The following MICALL1 variants were observed in gnomAD, a reference collection of about 807,000 sequenced individuals.
MICALL1 encodes MICAL like 1, also known as MICAL-like protein 1.
MICALL1 carries 61 observed loss-of-function variants against 83.7 expected under a neutral mutation model. The ratio of observed to expected loss-of-function variants is 0.73; its 90% CI spans 0.59 to 0.90. The LOEUF is 0.90. MICALL1 is among the 40% of genes least tolerant of loss of function. The probability of loss-of-function intolerance (pLI) is 0.00; values close to 1 mark genes in which losing one functional copy is unlikely to be tolerated. For missense variants in MICALL1, 1,066 were observed against 1,152.0 expected (o/e 0.93, Z 1.08); for synonymous variants, 481 against 473.6 (o/e 1.02, Z -0.20).
Position 37,906,723 on chromosome 22 carries a change from C to T in MICALL1, c.146+155C>T, listed in dbSNP as rs548110357. 4.6e-5 allele frequency among the ~76,000 whole-genome samples: 7 copies of T among 151,680 alleles called. No homozygotes were observed. Among genetic ancestry groups the T allele is most frequent in the Non-Finnish European group, 8.9e-5 (6 of 67,756 alleles). On this transcript the variant is annotated intron_variant, in intron 1 of 15. Coordinates refer to ENST00000215957, the MANE Select transcript of MICALL1 (RefSeq NM_033386.4). This position sits in a 1 kb window ranked among gnomAD's most constrained non-coding sequence, Gnocchi z 4.4. ...CGACGGCCCCGGACGCCGGGCGGGT[C>T]CCTGAGACCCCGGCCCAGGGCGCCC...
In MICALL1 at chr22:37,918,941, C is replaced by T. The variant is rs1928844914; in HGVS notation, c.427-95C>T. The T allele has an allele frequency of 3.3e-5, 45 of 1,379,300 alleles. 1 individual carries two copies. In the South Asian group the frequency reaches 4.4e-4, roughly 14 times the overall value. The allele number at this position is 1,379,300 out of a possible 1,614,324, so 85.4% of individuals were successfully genotyped here. A position where few individuals can be genotyped will look rare whatever the true frequency, so the allele number is the denominator to read the frequency against. On this transcript the variant is annotated intron_variant, in intron 4 of 15. Coordinates refer to ENST00000215957, the MANE Select transcript of MICALL1 (RefSeq NM_033386.4). ...CGAAGCCTGGTGCACACTTGAGTGA[C>T]GGTGGCCGTTGGAGGGAGGGAGAGG...
At chr22:37,918,997 A>C in intron 4 of MICALL1, 39 bp from the exon 5 acceptor site, 3 of 1,517,548 alleles carry the variant, frequency 2.0e-6, no homozygotes, top group Non-Finnish European at 2.7e-6. Context: ...GCTGGTGACC[A>C]TGTCCTGCTC....
rs574935901 is a variant in MICALL1, at chr22:37,913,236, C to T, written c.337+744C>T. ...GCCTCAGCCTCCAAAAGTGCTGGGA[C>T]TACAGACGTGAGCCACTGGTGCCCG... On this transcript the variant is annotated intron_variant, in intron 3 of 15. Coordinates refer to ENST00000215957, the MANE Select transcript of MICALL1 (RefSeq NM_033386.4). Among the ~76,000 whole-genome samples the T allele has an allele frequency of 3.9e-5, 6 of 152,012 alleles. No individual in the cohort carries two copies. In the East Asian group the frequency reaches 1.2e-3, roughly 29 times the overall value.
chr22:37,915,315 C>T (rs1361388247), intron 3 of MICALL1, among the ~76,000 whole-genome samples: 1 of 152,112 alleles, frequency 6.6e-6, no homozygotes, highest in Non-Finnish European at 1.5e-5. Flanking sequence ...AAAATAATGT[C>T]TTATACCCCT....
chr22:37,912,833 T>G (rs1928421982), intron 3 of MICALL1, among the ~76,000 whole-genome samples: 1 of 151,910 alleles, frequency 6.6e-6, no homozygotes, highest in African/African-American at 2.4e-5. Context: ...GGCTAATTTT[T>G]TGTGTCTTTA....
At chr22:37,934,009 G>T (rs1232279623) in intron 13 of MICALL1, among the ~76,000 whole-genome samples, 1 of 152,226 alleles carries the variant, frequency 6.6e-6, no homozygotes, top group Non-Finnish European at 1.5e-5. Context: ...AATGTCCCAG[G>T]CTTCCACTGC....
chr22:37,921,930 C>G (rs1342182362), intron 5 of MICALL1, 42 bp from the exon 6 acceptor site: 6 of 1,510,916 alleles, frequency 4.0e-6, no homozygotes, highest in Non-Finnish European at 5.3e-6. Flanking sequence ...TGCCTGGGCC[C>G]AGCTGCCTGG....
In MICALL1 at chr22:37,927,451, G is replaced by C. The variant is rs201524607; in HGVS notation, c.1506G>C (p.Ser502=). 1.2e-6 allele frequency: 2 copies of C among 1,600,508 alleles called. No individual in the cohort carries two copies. The highest frequency in any genetic ancestry group is 1.7e-6 in the Non-Finnish European group (2 of 1,171,324). Reference sequence around the variant, plus strand: ...GCCTCTCGCACTCGGAGCCGCCCTCGGCCACACCATCGCCAGCGCTCAGCG... The same window carrying C: ...GCCTCTCGCACTCGGAGCCGCCCTCCGCCACACCATCGCCAGCGCTCAGCG... The part of the protein sequence containing the change: ...ASRLSHSEPP[S]ATPSPALSVE... Residue 502 remains serine (S), a synonymous_variant, in exon 9 of 16, where the codon TCG becomes TCC. Transcript: ENST00000215957.
chr22:37,937,170 A>C lies in MICALL1; in HGVS notation c.2399A>C (p.Asn800Thr). ...TLIEQRNAII[N>T]CLDEDRQREE... ...ATTGAGCAGCGCAACGCTATCATCAACTGCCTGGATGAGGACCGGCAGAGG... is the reference window on the plus strand; with the variant it reads ...ATTGAGCAGCGCAACGCTATCATCACCTGCCTGGATGAGGACCGGCAGAGG... The change falls in exon 14 of 16, where the codon AAC (asparagine) becomes ACC (threonine). Residue 800 changes from asparagine to threonine, a missense_variant. Asn to Thr is a moderately conservative substitution (Grantham distance 65, BLOSUM62 0). Coordinates refer to ENST00000215957, the MANE Select transcript of MICALL1 (RefSeq NM_033386.4). 1.3e-6 allele frequency: 2 copies of C among 1,546,428 alleles called. No individual in the cohort carries two copies. Among genetic ancestry groups the C allele is most frequent in the Non-Finnish European group, 1.7e-6 (2 of 1,144,190 alleles).
At chr22:37,909,921 C>T (rs966702199) in intron 1 of MICALL1, among the ~76,000 whole-genome samples, 5 of 152,244 alleles carry the variant, frequency 3.3e-5, no homozygotes, top group African/African-American at 1.2e-4. Context: ...GCTTCTGGGG[C>T]TGTGGGCCCT....
chr22:37,918,124 G>A (rs945091641), intron 4 of MICALL1, among the ~76,000 whole-genome samples: 11 of 152,234 alleles, frequency 7.2e-5, no homozygotes, highest in Admixed American at 3.3e-4. Flanking sequence ...ACTGTCAGGA[G>A]TTACACACGT....
Position 37,932,533 on chromosome 22 carries a change from G to T in MICALL1, c.2017-20G>T. ...GCAGCAACCAGGCAGGCCGTCAGGT[G>T]ACCAGGCACTGTTGGGCAGGTCCAG... is the stretch of plus-strand genomic sequence containing the variant. On this transcript the variant is annotated intron_variant, in intron 10 of 15. Transcript: ENST00000215957. This position sits in a 1 kb window ranked among gnomAD's most constrained non-coding sequence, Gnocchi z 4.4. 6.2e-7 allele frequency: 1 copy of T among 1,612,734 alleles called. No homozygotes were observed. Among genetic ancestry groups the T allele is most frequent in the South Asian group, 1.1e-5 (1 of 90,922 alleles).
At chr22:37,914,870 A>G (rs1928578080) in intron 3 of MICALL1, among the ~76,000 whole-genome samples, 1 of 148,882 alleles carries the variant, frequency 6.7e-6, no homozygotes, top group Non-Finnish European at 1.5e-5. Context: ...TTGAACTCCT[A>G]AGCTCAAGGG....
In MICALL1 at chr22:37,930,536, G is replaced by A. The variant is rs1267337345; in HGVS notation, c.1882-1263G>A. ...GGGAAAGCTGGGTCAGTGCTTCTTG[G>A]AGCATCCCAGGTCTCAGGTGAGGCC... On this transcript the variant is annotated intron_variant, in intron 9 of 15. Transcript: ENST00000215957. This position sits in a 1 kb window ranked among gnomAD's most constrained non-coding sequence, Gnocchi z 4.8. Among the ~76,000 whole-genome samples the A allele has an allele frequency of 6.6e-6, 1 of 152,232 alleles. No homozygotes were observed. The highest frequency in any genetic ancestry group is 2.4e-5 in the African/African-American group (1 of 41,472).
rs1928522567 is a variant in MICALL1, at chr22:37,914,222, CT to C, written c.337+1734del. The stretch of plus-strand genomic sequence containing the variant: ...TTTTATGAAGTCAGAGGTTTCTTTT[CT>C]TTTCTTTCTTTTTTTTTTTTGAAAT... On this transcript the variant is annotated intron_variant, in intron 3 of 15. Coordinates refer to ENST00000215957, the MANE Select transcript of MICALL1 (RefSeq NM_033386.4). 1.5e-5 allele frequency among the ~76,000 whole-genome samples: 2 copies of C among 129,178 alleles called. 1 individual carries two copies. The highest frequency in any genetic ancestry group is 4.8e-4 in the South Asian group (2 of 4,138). 84.7% of individuals were successfully genotyped at this position (129,178 alleles called of 152,430 possible). A position where few individuals can be genotyped will look rare whatever the true frequency, so the allele number is the denominator to read the frequency against.
At chr22:37,916,813 G>A (rs569921874) in intron 3 of MICALL1, among the ~76,000 whole-genome samples, 2 of 152,232 alleles carry the variant, frequency 1.3e-5, no homozygotes, top group Admixed American at 6.5e-5. Context: ...GCTTCTAAGG[G>A]CCTCTCCCCA....
chr22:37,909,534 A>G (rs961818912), intron 1 of MICALL1, among the ~76,000 whole-genome samples: 1 of 150,108 alleles, frequency 6.7e-6, no homozygotes, highest in Non-Finnish European at 1.5e-5. Context: ...AATTTGTTGT[A>G]TTTTTAGCAG....
At chr22:37,925,623 C>T (rs1320086082) in intron 7 of MICALL1, 38 bp from the exon 8 acceptor site, 3 of 1,547,090 alleles carry the variant, frequency 1.9e-6, no homozygotes, top group Non-Finnish European at 2.6e-6. Flanking sequence ...TGACCCTTGC[C>T]TCTGCTAATG....
At chr22:37,909,642 G>T (rs1441131603) in intron 1 of MICALL1, among the ~76,000 whole-genome samples, 1 of 152,220 alleles carries the variant, frequency 6.6e-6, no homozygotes, top group Non-Finnish European at 1.5e-5. Context: ...ATAGGTGTGA[G>T]CCACCGCGCC....
Sources: gnomAD v4.1 joint callset for allele counts (sites outside exome capture counted in the v4.1 genomes callset) on GRCh38, gnomAD v4.1.1 for gene constraint, Gnocchi (gnomAD v3.1) non-coding constraint, MANE v1.5 for transcripts, NCBI Gene and HGNC (gene_info 2026-07-23, HGNC 2026-07-21) for gene names.